The following UNC80 variants were observed in gnomAD, a reference collection of about 807,000 sequenced individuals.
The protein encoded by UNC80 is protein unc-80 homolog.
In UNC80, 164 loss-of-function variants were observed where a neutral mutation model predicts 384.6. That is an observed-to-expected ratio of 0.43 (90% confidence interval 0.38 to 0.49). The LOEUF is 0.49. UNC80 is among the 20% of genes least tolerant of loss of function. The probability of loss-of-function intolerance (pLI) is 0.00; values close to 1 mark genes in which losing one functional copy is unlikely to be tolerated. For missense variants in UNC80, 3,330 were observed against 4,143.0 expected, an observed-to-expected ratio of 0.80 and a Z score of 5.39; for synonymous variants, 1,486 against 1,527.8, an observed-to-expected ratio of 0.97 and a Z score of 0.64.
chr2:209,907,878 C>T (rs1489182532), intron 29 of UNC80, among the ~76,000 whole-genome samples: 1 of 152,208 alleles, frequency 6.6e-6, no homozygotes, highest in African/African-American at 2.4e-5. Context: ...TCTGCCTCAA[C>T]CAGGCCCCTG....
At chr2:209,867,505 C>G (rs953685082) in intron 22 of UNC80, among the ~76,000 whole-genome samples, 4 of 152,054 alleles carry the variant, frequency 2.6e-5, no homozygotes, top group Non-Finnish European at 5.9e-5. Flanking sequence ...AAGACTTTTT[C>G]CTTTTGTTTC....
intron 22 of UNC80, among the ~76,000 whole-genome samples, chr2:209,864,929 A>G (rs2083609387): frequency 6.6e-6 from 1 of 152,160 alleles, no homozygotes; most frequent in Non-Finnish European, 1.5e-5. Context: ...GAGGCTGTTA[A>G]GAGTCTGCGC....
chr2:209,880,975 T>A lies in UNC80; in HGVS notation c.3991T>A (p.Ser1331Thr). 6.4e-7 allele frequency: 1 copy of A among 1,552,096 alleles called. No homozygotes were observed. Among genetic ancestry groups the A allele is most frequent in the Non-Finnish European group, 8.7e-7 (1 of 1,147,064 alleles). The change falls in exon 25 of 65, where the codon TCT becomes ACT. Residue 1331 changes from serine to threonine, a missense_variant. Physicochemically the swap from Ser to Thr is moderately conservative, Grantham distance 58. Coordinates refer to ENST00000673920, the MANE Select transcript of UNC80 (RefSeq NM_001371986.1). The stretch of plus-strand genomic sequence containing the variant: ...TCATTTCCTAGGTACTGTGAACCCC[T>A]CTAAATGCGGTTGCCCCTTTGCCTT... ...DFLDDSTVNP[S>T]KCGCPFALKM...
chr2:209,872,664 A>G lies in UNC80; in HGVS notation c.3628-94A>G, dbSNP rs2084400623. 2 of 1,194,050 alleles carry G rather than the reference A, an allele frequency of 1.7e-6. No individual in the cohort carries two copies. Among genetic ancestry groups the G allele is most frequent in the Admixed American group, 2.1e-5 (1 of 47,838 alleles). The allele number at this position is 1,194,050 out of a possible 1,614,324, so 74.0% of individuals were successfully genotyped here. A position where few individuals can be genotyped will look rare whatever the true frequency, so the allele number is the denominator to read the frequency against. ...TATAAATCAAAACATGAAGAGGAAA[A>G]TAAACTAAAAATACACAGTAATTCC... On this transcript the variant is annotated intron_variant, in intron 22 of 64. Transcript: ENST00000673920. This position sits in a 1 kb window ranked among gnomAD's most constrained non-coding sequence, Gnocchi z 4.1.
At chr2:209,850,682 T>C (rs1433796569) in intron 22 of UNC80, among the ~76,000 whole-genome samples, 1 of 152,168 alleles carries the variant, frequency 6.6e-6, no homozygotes, top group African/African-American at 2.4e-5. Context: ...TTTCAGTCAG[T>C]TTCTCATTAT....
chr2:209,811,715 T>A (rs2153827132), intron 7 of UNC80, among the ~76,000 whole-genome samples: 1 of 152,330 alleles, frequency 6.6e-6, no homozygotes, highest in Non-Finnish European at 1.5e-5. Context: ...TATTTCCTAC[T>A]TGTCAAAATA....
chr2:209,863,204 T>G (rs941716388), intron 22 of UNC80, among the ~76,000 whole-genome samples: 2 of 152,222 alleles, frequency 1.3e-5, no homozygotes, highest in African/African-American at 4.8e-5. Flanking sequence ...AGAGGCCTGC[T>G]GTTAGTCTGA....
At chr2:209,925,259 A>G (rs955157473) in intron 35 of UNC80, among the ~76,000 whole-genome samples, 3 of 151,950 alleles carry the variant, frequency 2.0e-5, no homozygotes, top group Non-Finnish European at 2.9e-5. Context: ...TTGGTCCACT[A>G]TATATATATA....
At chr2:209,988,077 T>G (rs1405687559) in intron 61 of UNC80, among the ~76,000 whole-genome samples, 1 of 152,158 alleles carries the variant, frequency 6.6e-6, no homozygotes, top group East Asian at 1.9e-4. Context: ...TCAGATGTTG[T>G]TGAGGTTAAG....
intron 51 of UNC80, 35 bp downstream of exon 51, chr2:209,959,742 C>T (rs2092532084): frequency 6.5e-7 from 1 of 1,533,284 alleles, no homozygotes; most frequent in South Asian, 1.2e-5. Flanking sequence ...CAAGTGTGAA[C>T]ACAGCTTGGC....
At chr2:209,969,510 G>A (rs2092823339) in intron 52 of UNC80, 2 of 479,684 alleles carry the variant, frequency 4.2e-6, no homozygotes, top group Non-Finnish European at 7.4e-6. Context: ...CTAAAACCAG[G>A]GAAATTAAAA....
At chr2:209,953,978 GC>G in intron 47 of UNC80, 121 bp from the exon 48 acceptor site, 1 of 1,105,046 alleles carries the variant, frequency 9.0e-7, no homozygotes, top group Non-Finnish European at 1.2e-6. Flanking sequence ...ATTAGGAGTG[GC>G]AAGGGGCCTT....
intron 7 of UNC80, among the ~76,000 whole-genome samples, chr2:209,799,630 G>C (rs1215183775): frequency 2.6e-5 from 4 of 152,158 alleles, no homozygotes; most frequent in African/African-American, 9.7e-5. Context: ...TGGTAAGAGA[G>C]GGCATCCTTA....
intron 13 of UNC80, among the ~76,000 whole-genome samples, chr2:209,825,222 A>T (rs1249071895): frequency 1.3e-5 from 2 of 152,148 alleles, no homozygotes; most frequent in East Asian, 3.9e-4. Flanking sequence ...AATTCAAGGA[A>T]GTTCCTTTTT....
At chr2:209,855,262 A>G (rs1029039250) in intron 22 of UNC80, among the ~76,000 whole-genome samples, 6 of 152,268 alleles carry the variant, frequency 3.9e-5, no homozygotes, top group Admixed American at 3.3e-4. Flanking sequence ...ACATGGACAC[A>G]TGGACACAGG....
chr2:209,915,262 G>A lies in UNC80; in HGVS notation c.5029+1322G>A, dbSNP rs560370460. On this transcript the variant is annotated intron_variant, in intron 31 of 64. Transcript: ENST00000673920. ...ACTAAAAATACAAAAAAAATTAGCCGGGCATGGTGGCAGGCACCTGTAGTC... is the reference window on the plus strand; with the variant it reads ...ACTAAAAATACAAAAAAAATTAGCCAGGCATGGTGGCAGGCACCTGTAGTC... 4.5e-4 allele frequency among the ~76,000 whole-genome samples: 68 copies of A among 151,956 alleles called. 1 individual carries two copies. In the South Asian group the frequency reaches 5.6e-3, roughly 13 times the overall value.
chr2:209,817,463 G>T (rs1000147871), intron 10 of UNC80, among the ~76,000 whole-genome samples: 1 of 150,224 alleles, frequency 6.7e-6, no homozygotes, highest in African/African-American at 2.4e-5. Context: ...GATTTTTTTT[G>T]AAAAAAGCAA....
intron 24 of UNC80, among the ~76,000 whole-genome samples, chr2:209,878,570 C>T (rs1251358763): frequency 6.6e-6 from 1 of 152,074 alleles, no homozygotes; most frequent in East Asian, 1.9e-4. Flanking sequence ...TAACATGACA[C>T]TTAAATATTA....
Position 209,957,735 on chromosome 2 carries a change from A to G in UNC80, c.7549A>G (p.Arg2517Gly), listed in dbSNP as rs2092463738. The G allele has an allele frequency of 1.3e-6, 2 of 1,551,358 alleles. No individual in the cohort carries two copies. ...CACCATGTCGTCTGGGGTGAACACC[A>G]GGTAATTCACTGCGCCTTATTCTTC... is the stretch of plus-strand genomic sequence containing the variant. Reference protein sequence around the residue: ...NHTMSSGVNTRYQEQGAKLHF... With the variant: ...NHTMSSGVNTGYQEQGAKLHF... Residue 2517 changes from arginine (R) to glycine (G), a missense_variant and splice_region_variant, in exon 49 of 65, where the codon AGG becomes GGG. This residue lies in a region of UNC80 where 1,049 missense variants were observed against 1,488.6 expected (regional missense o/e 0.70). Coordinates refer to ENST00000673920, the MANE Select transcript of UNC80 (RefSeq NM_001371986.1).
Sources: gnomAD v4.1 joint callset for allele counts (sites outside exome capture counted in the v4.1 genomes callset) on GRCh38, gnomAD v4.1.1 for gene constraint, gnomAD v4.1.1 regional missense constraint, Gnocchi (gnomAD v3.1) non-coding constraint, MANE v1.5 for transcripts, NCBI Gene and HGNC (gene_info 2026-07-23, HGNC 2026-07-21) for gene names.